Variants in KIF26B observed in about 807,000 individuals in gnomAD.
KIF26B encodes kinesin family member 26B.
KIF26B carries 63 observed loss-of-function variants against 151.2 expected under a neutral mutation model. The ratio of observed to expected loss-of-function variants is 0.42; its 90% CI spans 0.34 to 0.51. The LOEUF (loss-of-function observed/expected upper bound fraction) is 0.51. Ranked by LOEUF, KIF26B falls within the 20% of genes least tolerant of loss-of-function variation. The probability of loss-of-function intolerance (pLI) is 0.07; values close to 1 mark genes in which losing one functional copy is unlikely to be tolerated. For missense variants in KIF26B, 2,813 were observed against 2,913.6 expected, an observed-to-expected ratio of 0.97 and a Z score of 0.79; for synonymous variants, 1,357 against 1,262.1, an observed-to-expected ratio of 1.08 and a Z score of -1.59.
chr1:245,507,717 C>T (rs903018458), intron 4 of KIF26B, among the ~76,000 whole-genome samples: 2 of 152,108 alleles, frequency 1.3e-5, no homozygotes, highest in Non-Finnish European at 2.9e-5. Flanking sequence ...AGGAGAGTCC[C>T]GGGAGGCAGC....
intron 2 of KIF26B, among the ~76,000 whole-genome samples, chr1:245,289,284 A>C (rs988121325): frequency 1.3e-5 from 2 of 152,244 alleles, no homozygotes; most frequent in Non-Finnish European, 2.9e-5. Context: ...ATTGAAGAGA[A>C]GACTATCATC....
Position 245,170,491 on chromosome 1 carries a change from C to T in KIF26B, c.465+13808C>T, listed in dbSNP as rs114337056. Among the ~76,000 whole-genome samples, 102 of 152,230 alleles carry T rather than the reference C, an allele frequency of 6.7e-4. 2 individuals carry two copies. Among genetic ancestry groups the T allele is most frequent in the African/African-American group, 2.3e-3 (96 of 41,542 alleles). On this transcript the variant is annotated intron_variant, in intron 2 of 14. Coordinates refer to ENST00000407071, the MANE Select transcript of KIF26B (RefSeq NM_018012.4). This position sits in a 1 kb window ranked among gnomAD's most constrained non-coding sequence, Gnocchi z 4.4. ...AAACATAGAGGGCAAATGTCTTAGCCAATTCATGCTGCTATAACAAAATAC... is the reference window on the plus strand; with the variant it reads ...AAACATAGAGGGCAAATGTCTTAGCTAATTCATGCTGCTATAACAAAATAC...
chr1:245,522,495 A>G (rs1479538641), intron 4 of KIF26B, among the ~76,000 whole-genome samples: 1 of 152,200 alleles, frequency 6.6e-6, no homozygotes, highest in Non-Finnish European at 1.5e-5. Flanking sequence ...AGGAGGAACT[A>G]CCAAGTAAGT....
chr1:245,189,130 G>A (rs555795559), intron 2 of KIF26B, among the ~76,000 whole-genome samples: 121 of 152,316 alleles, frequency 7.9e-4, no homozygotes, highest in South Asian at 3.1e-3. Context: ...TGGTGGTGAT[G>A]GTTGCGTAGC....
At chr1:245,279,653 C>T (rs75498615) in intron 2 of KIF26B, among the ~76,000 whole-genome samples, 12,288 of 151,926 alleles carry the variant, frequency 0.081, 621 homozygotes, top group African/African-American at 0.13. Context: ...GGGGCTAATG[C>T]CTGATGCTTT....
At chr1:245,199,124 C>G (rs1046784587) in intron 2 of KIF26B, among the ~76,000 whole-genome samples, 19 of 152,084 alleles carry the variant, frequency 1.2e-4, no homozygotes, top group Admixed American at 1.2e-3. Flanking sequence ...GGTGACAGAG[C>G]TAAGGCAAGA....
chr1:245,494,328 A>AAAG (rs1660468382), intron 4 of KIF26B, among the ~76,000 whole-genome samples: 1 of 152,198 alleles, frequency 6.6e-6, no homozygotes, highest in South Asian at 2.1e-4. Flanking sequence ...CAAACAAAAA[A>AAAG]CAATCACATT....
At position 245,318,830 on chromosome 1, in the gene KIF26B, C is replaced by T. The variant is rs949235157; in HGVS notation, c.466-48004C>T. 1.3e-5 allele frequency among the ~76,000 whole-genome samples: 2 copies of T among 151,704 alleles called. No homozygotes were observed. The highest frequency in any genetic ancestry group is 2.9e-5 in the Non-Finnish European group (2 of 67,988). ...TAACTAAACAGAGTAAAGAGTTTCT[C>T]GGTCACAAGGGAAACTTTTACTATT... is the stretch of plus-strand genomic sequence containing the variant. On this transcript the variant is annotated intron_variant, in intron 2 of 14. Transcript: ENST00000407071. The surrounding 1 kb of genome is among the most constrained non-coding windows in gnomAD (Gnocchi z 4.0).
chr1:245,682,848 G>A (rs1169997000), intron 10 of KIF26B, among the ~76,000 whole-genome samples: 4 of 152,202 alleles, frequency 2.6e-5, no homozygotes, highest in South Asian at 2.1e-4. Context: ...CGTCGAGTGC[G>A]GCTGTCCGTG....
rs531364185 is a variant in KIF26B, at chr1:245,646,888, C to CCAAGA, written c.2258+611_2258+612insGACAA. ...TCCTTCCTGTCTCTTTACTACTGCTCCAATTAAATTACAGCCGCTCCTATG... is the reference window on the plus strand; with the variant it reads ...TCCTTCCTGTCTCTTTACTACTGCTCCAAGACAATTAAATTACAGCCGCTCCTATG... On this transcript the variant is annotated intron_variant, in intron 10 of 14. Coordinates refer to ENST00000407071, the MANE Select transcript of KIF26B (RefSeq NM_018012.4). Among the ~76,000 whole-genome samples, 543 of 152,190 alleles carry CCAAGA rather than the reference C, an allele frequency of 3.6e-3. 2 individuals are homozygous for CCAAGA. The highest frequency in any genetic ancestry group is 0.012 in the African/African-American group (503 of 41,514).
chr1:245,426,744 A>G (rs1264361797), intron 4 of KIF26B, among the ~76,000 whole-genome samples: 1 of 152,196 alleles, frequency 6.6e-6, no homozygotes, highest in African/African-American at 2.4e-5. Context: ...TGCCTTCAGG[A>G]CCACGTGGCT....
intron 9 of KIF26B, among the ~76,000 whole-genome samples, chr1:245,616,925 G>T (rs111995348): frequency 9.1e-4 from 139 of 152,280 alleles, no homozygotes; most frequent in African/African-American, 3.0e-3. Context: ...ATGACACCGG[G>T]TCTCTGATTT....
intron 6 of KIF26B, among the ~76,000 whole-genome samples, chr1:245,604,291 A>G (rs140745802): frequency 3.9e-5 from 6 of 152,290 alleles, no homozygotes; most frequent in Non-Finnish European, 7.4e-5. Context: ...AGCCTCTGTG[A>G]ATTTCCTCCA....
chr1:245,453,636 C>T (rs993243224), intron 4 of KIF26B, among the ~76,000 whole-genome samples: 10 of 152,114 alleles, frequency 6.6e-5, no homozygotes, highest in African/African-American at 2.4e-4. Context: ...TTTACTTCTG[C>T]TGTAAATTGT....
chr1:245,403,600 G>A (rs982660252), intron 3 of KIF26B, among the ~76,000 whole-genome samples: 3 of 145,708 alleles, frequency 2.1e-5, no homozygotes, highest in African/African-American at 7.9e-5. Context: ...GTGCATGGGG[G>A]GTGTGTGTCT....
intron 9 of KIF26B, among the ~76,000 whole-genome samples, chr1:245,618,051 G>T (rs1242125154): frequency 6.6e-6 from 1 of 152,106 alleles, no homozygotes; most frequent in Admixed American, 6.5e-5. Flanking sequence ...CAAAGTCAGG[G>T]TTACAGAAGG....
At chr1:245,654,622 C>A (rs939136753) in intron 10 of KIF26B, among the ~76,000 whole-genome samples, 1 of 152,220 alleles carries the variant, frequency 6.6e-6, no homozygotes, top group South Asian at 2.1e-4. Flanking sequence ...CAGGACTCCA[C>A]CAGGCTTTCT....
chr1:245,216,913 A>G (rs1669658236), intron 2 of KIF26B, among the ~76,000 whole-genome samples: 1 of 152,192 alleles, frequency 6.6e-6, no homozygotes, highest in African/African-American at 2.4e-5. Context: ...CTTATTTCAT[A>G]TTTGAGATCA....
Position 245,687,690 on chromosome 1 carries a change from C to T in KIF26B, c.4707C>T (p.Gly1569=), listed in dbSNP as rs1298898973. Residue 1569 remains glycine (G), a synonymous_variant, in exon 12 of 15, where the codon GGC becomes GGT. Transcript: ENST00000407071. The surrounding 1 kb of genome is among the most constrained non-coding windows in gnomAD (Gnocchi z 4.9). ...CCAACGGGGTGGGTGCAGCCTCGGG[C>T]ACCCCGCCCTCCAAGGCTACCCTGG... The part of the protein sequence containing the change: ...AETNGVGAAS[G]TPPSKATLEG... The T allele has an allele frequency of 6.3e-7, 1 of 1,581,562 alleles. No individual in the cohort carries two copies. Among genetic ancestry groups the T allele is most frequent in the Non-Finnish European group, 8.6e-7 (1 of 1,164,174 alleles).
Sources: allele counts gnomAD v4.1 joint callset (sites outside exome capture counted in the v4.1 genomes callset), GRCh38; gene constraint gnomAD v4.1.1; non-coding constraint Gnocchi (gnomAD v3.1); transcripts MANE v1.5; gene names NCBI Gene and HGNC (gene_info 2026-07-23, HGNC 2026-07-21).